The following UNC5D variants were observed in gnomAD, a reference collection of about 807,000 sequenced individuals.
The protein encoded by UNC5D is netrin receptor UNC5D.
In UNC5D, 39 loss-of-function variants were observed where a neutral mutation model predicts 105.4. That is an observed-to-expected ratio of 0.37 (90% CI 0.29 to 0.48). UNC5D has a LOEUF of 0.48. Among genes scored for constraint, UNC5D ranks in the 20% least tolerant of loss-of-function variants. The pLI is 0.98. For synonymous variants in UNC5D, 452 were observed against 450.4 expected, an observed-to-expected ratio of 1.00 and a Z score of -0.04; for missense variants, 991 against 1,202.4, an observed-to-expected ratio of 0.82 and a Z score of 2.60.
chr8:35,528,594 T>C (rs1343697817), intron 1 of UNC5D, among the ~76,000 whole-genome samples: 1 of 146,996 alleles, frequency 6.8e-6, no homozygotes, highest in African/African-American at 2.5e-5. Flanking sequence ...ATGGTATTTC[T>C]AGTTCTAGAT....
At chr8:35,710,390 G>A (rs2131477306) in intron 8 of UNC5D, among the ~76,000 whole-genome samples, 1 of 152,284 alleles carries the variant, frequency 6.6e-6, no homozygotes, top group Non-Finnish European at 1.5e-5. Flanking sequence ...ACTGGTATGG[G>A]GAAAACTTGG....
chr8:35,304,113 T>A (rs1431433113), intron 1 of UNC5D, among the ~76,000 whole-genome samples: 1 of 152,108 alleles, frequency 6.6e-6, no homozygotes, highest in Non-Finnish European at 1.5e-5. Flanking sequence ...TGCCCTGGAC[T>A]TGGTTTTTTT....
chr8:35,587,634 GA>G (rs1225083056), intron 3 of UNC5D, among the ~76,000 whole-genome samples: 1 of 152,114 alleles, frequency 6.6e-6, no homozygotes, highest in Non-Finnish European at 1.5e-5. Context: ...TTGCAATTCT[GA>G]AAAGTTTGAA....
rs186276810 is a variant in UNC5D, at chr8:35,545,677, A to G, written c.104-3615A>G. On this transcript the variant is annotated intron_variant, in intron 1 of 16. Coordinates refer to ENST00000404895, the MANE Select transcript of UNC5D (RefSeq NM_080872.4). ...AAAAAAAAAAAAGATTCTTATTTTC[A>G]CCTACCTCATTTTTTAGACGGATGC... Among the ~76,000 whole-genome samples the G allele has an allele frequency of 3.6e-3, 554 of 151,968 alleles. 2 individuals carry two copies. Among genetic ancestry groups the G allele is most frequent in the Non-Finnish European group, 5.7e-3 (388 of 67,962 alleles).
At chr8:35,440,053 C>G (rs1807298223) in intron 1 of UNC5D, among the ~76,000 whole-genome samples, 1 of 152,040 alleles carries the variant, frequency 6.6e-6, no homozygotes, top group Non-Finnish European at 1.5e-5. Flanking sequence ...AACCCACCTT[C>G]TAATCCTCAA....
chr8:35,762,093 G>A lies in UNC5D; in HGVS notation c.2313+2624G>A, dbSNP rs374881879. ...TTCTCTAACTTCAAATCAGGAATCT[G>A]GGAGCTGACTTATTACAATTAGTAC... On this transcript the variant is annotated intron_variant, in intron 14 of 16. Transcript: ENST00000404895. Among the ~76,000 whole-genome samples the A allele has an allele frequency of 4.6e-5, 7 of 152,182 alleles. No individual in the cohort carries two copies. In the East Asian group the frequency reaches 9.7e-4, roughly 21 times the overall value.
intron 1 of UNC5D, among the ~76,000 whole-genome samples, chr8:35,496,980 C>A (rs1448371091): frequency 6.6e-6 from 1 of 152,006 alleles, no homozygotes; most frequent in Non-Finnish European, 1.5e-5. Flanking sequence ...ACTGAGGCCC[C>A]TATAACAAAG....
chr8:35,297,586 C>T (rs896832672), intron 1 of UNC5D, among the ~76,000 whole-genome samples: 1 of 152,138 alleles, frequency 6.6e-6, no homozygotes, highest in Admixed American at 6.6e-5. Flanking sequence ...GCTCTCTGGT[C>T]TTTACACTAG....
chr8:35,614,798 C>G (rs2130997479), intron 4 of UNC5D, among the ~76,000 whole-genome samples: 1 of 152,258 alleles, frequency 6.6e-6, no homozygotes, highest in South Asian at 2.1e-4. Context: ...AGCTGGGAAG[C>G]TCTAGTTCCT....
At chr8:35,637,025 G>T (rs1279489436) in intron 4 of UNC5D, among the ~76,000 whole-genome samples, 1 of 152,154 alleles carries the variant, frequency 6.6e-6, no homozygotes, top group Non-Finnish European at 1.5e-5. Context: ...CAATGAGGAT[G>T]AAATGTTTGC....
intron 1 of UNC5D, among the ~76,000 whole-genome samples, chr8:35,305,161 G>T (rs1424106232): frequency 1.3e-5 from 2 of 152,128 alleles, no homozygotes; most frequent in Non-Finnish European, 2.9e-5. Flanking sequence ...ATATGAAAGA[G>T]AGGTTATATT....
At chr8:35,747,525 C>T (rs537236303) in intron 11 of UNC5D, among the ~76,000 whole-genome samples, 65 of 152,194 alleles carry the variant, frequency 4.3e-4, no homozygotes, top group Middle Eastern at 3.4e-3. Context: ...CCAGCTCTCC[C>T]GTAGCATTGC....
At chr8:35,632,852 T>C (rs1822126542) in intron 4 of UNC5D, among the ~76,000 whole-genome samples, 2 of 152,180 alleles carry the variant, frequency 1.3e-5, no homozygotes, top group African/African-American at 4.8e-5. Flanking sequence ...CATCTCTTTT[T>C]CTCAGCTACT....
rs191191573 is a variant in UNC5D, at chr8:35,418,898, G to A, written c.104-130394G>A. ...AGGTTGGAAGGAAGAAGTGGTAGAC[G>A]TGGATATTTTAATGCTTAGGTATTT... On this transcript the variant is annotated intron_variant, in intron 1 of 16. Coordinates refer to ENST00000404895, the MANE Select transcript of UNC5D (RefSeq NM_080872.4). Among the ~76,000 whole-genome samples, 187 of 152,316 alleles carry A rather than the reference G, an allele frequency of 1.2e-3. 1 individual carries two copies. The highest frequency in any genetic ancestry group is 1.3e-3 in the Non-Finnish European group (91 of 68,028).
At chr8:35,441,085 GT>G (rs1353531565) in intron 1 of UNC5D, among the ~76,000 whole-genome samples, 1 of 151,888 alleles carries the variant, frequency 6.6e-6, no homozygotes, top group Non-Finnish European at 1.5e-5. Context: ...TGAACATTTG[GT>G]TTTCTTATAC....
intron 1 of UNC5D, among the ~76,000 whole-genome samples, chr8:35,465,236 C>CA (rs1364030298): frequency 1.3e-5 from 2 of 152,102 alleles, no homozygotes; most frequent in Admixed American, 6.6e-5. Flanking sequence ...GCAAAAAGTA[C>CA]AAAAAATTAG....
At chr8:35,472,919 C>T (rs549663538) in intron 1 of UNC5D, among the ~76,000 whole-genome samples, 49 of 152,260 alleles carry the variant, frequency 3.2e-4, no homozygotes, top group African/African-American at 1.1e-3. Context: ...GGATTTTCCA[C>T]AGGTGGTCAA....
At chr8:35,660,040 C>T (rs1208644266) in intron 4 of UNC5D, among the ~76,000 whole-genome samples, 1 of 152,140 alleles carries the variant, frequency 6.6e-6, no homozygotes, top group Non-Finnish European at 1.5e-5. Flanking sequence ...TTCATTTTCC[C>T]ATTTTTGCCT....
At chr8:35,720,043 G>T (rs1482346503) in intron 8 of UNC5D, among the ~76,000 whole-genome samples, 1 of 152,186 alleles carries the variant, frequency 6.6e-6, no homozygotes, top group African/African-American at 2.4e-5. Flanking sequence ...ATTCCTAAAA[G>T]CAGGATCTAT....
Sources: gnomAD v4.1 joint callset for allele counts (sites outside exome capture counted in the v4.1 genomes callset) on GRCh38, gnomAD v4.1.1 for gene constraint, MANE v1.5 for transcripts, NCBI Gene and HGNC (gene_info 2026-07-23, HGNC 2026-07-21) for gene names.